NAPG: variants seen among roughly 807,000 people sequenced by gnomAD.
NAPG encodes the protein gamma-soluble NSF attachment protein.
A neutral mutation model predicts 48.4 loss-of-function variants in NAPG; 25 were observed. That is an observed-to-expected ratio of 0.52 (90% confidence interval 0.38 to 0.72). The LOEUF is 0.72. Ranked by LOEUF, NAPG falls within the 30% of genes least tolerant of loss-of-function variation. The pLI, the probability that NAPG is intolerant of heterozygous loss-of-function variation, is 0.00. For missense variants in NAPG, 359 were observed against 372.5 expected, an observed-to-expected ratio of 0.96 and a Z score of 0.30; for synonymous variants, 139 against 127.2, an observed-to-expected ratio of 1.09 and a Z score of -0.62.
chr18:10,530,391 G>A (rs1260710791), intron 1 of NAPG, among the ~76,000 whole-genome samples: 1 of 151,944 alleles, frequency 6.6e-6, no homozygotes, highest in Admixed American at 6.6e-5. Context: ...TCCCTCTGCT[G>A]TCGATACTGT....
chr18:10,536,213 A>T (rs2032029541), intron 5 of NAPG, among the ~76,000 whole-genome samples: 1 of 152,212 alleles, frequency 6.6e-6, no homozygotes. Context: ...AAAGAAAATT[A>T]ACTTAGTGGA....
Position 10,551,890 on chromosome 18 carries a change from G to A in NAPG, c.*1670G>A, listed in dbSNP as rs1354854785. On this transcript the variant is annotated 3_prime_UTR_variant, in exon 12 of 12. Transcript: ENST00000322897. Reference sequence around the variant, plus strand: ...ATTTATTGGCATAGTTCTTCAGGTAGCACCTCATTTTTATTAATGATATTG... The same window carrying A: ...ATTTATTGGCATAGTTCTTCAGGTAACACCTCATTTTTATTAATGATATTG... 1 of 152,130 alleles carries A rather than the reference G, an allele frequency of 6.6e-6. No individual in the cohort carries two copies. The highest frequency in any genetic ancestry group is 1.9e-4 in the East Asian group (1 of 5,194). The allele number at this position is 152,130 out of a possible 1,614,324, so 9.4% of individuals were successfully genotyped here.
In NAPG at chr18:10,526,237, GGC is replaced by G. The variant is rs1341225414; in HGVS notation, c.56+81_56+82del. On this transcript the variant is annotated intron_variant, in intron 1 of 11. Coordinates refer to ENST00000322897, the MANE Select transcript of NAPG (RefSeq NM_003826.3). The stretch of plus-strand genomic sequence containing the variant: ...TGGCGCGGCCTTAGCACCCGGGGGG[GGC>G]GGGAGGGAGGGCTCAGGGCTGAGGG... The G allele has an allele frequency of 5.7e-6, 5 of 878,260 alleles. No homozygotes were observed. In the African/African-American group the frequency reaches 8.3e-5, roughly 15 times the overall value. 54.4% of individuals were successfully genotyped at this position (878,260 alleles called of 1,614,324 possible). A position where few individuals can be genotyped will look rare whatever the true frequency, so the allele number is the denominator to read the frequency against.
At chr18:10,549,365 C>A (rs617040) in intron 11 of NAPG, among the ~76,000 whole-genome samples, 87,569 of 152,038 alleles carry the variant, frequency 0.58, 27,157 homozygotes, top group African/African-American at 0.82. Context: ...CTCATTTCTC[C>A]ACTTTTCCTC....
At position 10,548,161 on chromosome 18, in the gene NAPG, G is replaced by A; in HGVS notation, c.586-138G>A. ...ATTTCCCCTCAGGTGTCCCGTGGAA[G>A]TTACTATAGCATTTATAAATCTCTG... On this transcript the variant is annotated intron_variant, in intron 9 of 11. Transcript: ENST00000322897. The surrounding 1 kb of genome is among the most constrained non-coding windows in gnomAD (Gnocchi z 4.4). 1.6e-6 allele frequency: 1 copy of A among 629,952 alleles called. No homozygotes were observed. Among genetic ancestry groups the A allele is most frequent in the Admixed American group, 2.8e-5 (1 of 36,116 alleles). The allele number at this position is 629,952 out of a possible 1,614,324, so 39.0% of individuals were successfully genotyped here.
intron 1 of NAPG, among the ~76,000 whole-genome samples, chr18:10,529,830 A>G (rs568495362): frequency 1.3e-5 from 2 of 152,314 alleles, no homozygotes; most frequent in South Asian, 4.1e-4. Context: ...CTGAGTGCTC[A>G]TACAGATGCC....
chr18:10,542,227 G>GT lies in NAPG; in HGVS notation c.506+1840dup, dbSNP rs565825734. 1.9e-3 allele frequency among the ~76,000 whole-genome samples: 282 copies of GT among 144,892 alleles called. No homozygotes were observed. Among genetic ancestry groups the GT allele is most frequent in the African/African-American group, 4.3e-3 (173 of 39,892 alleles). ...TTTTATTCGTGACTTTGTTTTATTG[G>GT]TTTTTTTTTTTTCTTTTTAGGAAAA... On this transcript the variant is annotated intron_variant, in intron 8 of 11. Coordinates refer to ENST00000322897, the MANE Select transcript of NAPG (RefSeq NM_003826.3). The surrounding 1 kb of genome is among the most constrained non-coding windows in gnomAD (Gnocchi z 4.5).
rs953383816 is a variant in NAPG, at chr18:10,551,062, C to T, written c.*842C>T. On this transcript the variant is annotated 3_prime_UTR_variant, in exon 12 of 12. Coordinates refer to ENST00000322897, the MANE Select transcript of NAPG (RefSeq NM_003826.3). ...AGGCTGGAGTGCAGTGGCACAATCA[C>T]GGCTCCCAGGCTAATGTTTTTATTT... 6 of 151,272 alleles carry T rather than the reference C, an allele frequency of 4.0e-5. No individual in the cohort carries two copies. The highest frequency in any genetic ancestry group is 7.4e-5 in the Non-Finnish European group (5 of 67,870). The allele number at this position is 151,272 out of a possible 1,614,324, so 9.4% of individuals were successfully genotyped here.
At chr18:10,533,389 A>G in intron 3 of NAPG, 147 bp from the exon 4 acceptor site, 1 of 584,422 alleles carries the variant, frequency 1.7e-6, no homozygotes, top group Non-Finnish European at 2.9e-6. Context: ...CAGGTATTGA[A>G]TTACTTCTTT....
At chr18:10,532,843 G>T in intron 3 of NAPG, 48 bp downstream of exon 3, 2 of 1,448,754 alleles carry the variant, frequency 1.4e-6, no homozygotes, top group South Asian at 2.7e-5. Flanking sequence ...AGATGATTTT[G>T]ACAAGCTGTT....
Position 10,539,185 on chromosome 18 carries a change from A to AACGTATGTTTATACAGTAAAC in NAPG, c.259-564_259-544dup, listed in dbSNP as rs1274766371. 1 of 152,384 alleles carries AACGTATGTTTATACAGTAAAC rather than the reference A, an allele frequency of 6.6e-6. No homozygotes were observed. The highest frequency in any genetic ancestry group is 2.4e-5 in the African/African-American group (1 of 41,456). The allele number at this position is 152,384 out of a possible 1,614,324, so 9.4% of individuals were successfully genotyped here. ...AAAGGAACATAAATCATTCTATAGA[A>AACGTATGTTTATACAGTAAAC]ACGTATGTTTATACAGTAAACACGT... On this transcript the variant is annotated intron_variant, in intron 5 of 11. Coordinates refer to ENST00000322897, the MANE Select transcript of NAPG (RefSeq NM_003826.3). This position sits in a 1 kb window ranked among gnomAD's most constrained non-coding sequence, Gnocchi z 4.7.
At chr18:10,535,954 G>T (rs1385951517) in intron 5 of NAPG, among the ~76,000 whole-genome samples, 1 of 152,158 alleles carries the variant, frequency 6.6e-6, no homozygotes, top group African/African-American at 2.4e-5. Flanking sequence ...AGAAGCTGGG[G>T]ATCTGCTCTG....
In NAPG at chr18:10,551,252, A is replaced by C. The variant is rs76533411; in HGVS notation, c.*1032A>C. ...TCACCCAGCCTATGAATATCTTTCT[A>C]ACATTGTAAGAATGAGGTAATGTTT... On this transcript the variant is annotated 3_prime_UTR_variant, in exon 12 of 12. Transcript: ENST00000322897. The C allele has an allele frequency of 6.6e-6, 1 of 152,080 alleles. No homozygotes were observed. Among genetic ancestry groups the C allele is most frequent in the East Asian group, 1.9e-4 (1 of 5,196 alleles). 9.4% of individuals were successfully genotyped at this position (152,080 alleles called of 1,614,324 possible).
intron 2 of NAPG, 75 bp downstream of exon 2, chr18:10,530,912 C>CCTG: frequency 8.7e-7 from 1 of 1,147,324 alleles, no homozygotes; most frequent in South Asian, 1.9e-5. Flanking sequence ...CACCATAATA[C>CCTG]TTACTCATAT....
chr18:10,530,953 C>A, intron 2 of NAPG, 116 bp downstream of exon 2: 8 of 800,270 alleles, frequency 1.0e-5, no homozygotes, highest in Non-Finnish European at 8.8e-6. Flanking sequence ...AGTTAAAAAA[C>A]AAACAAAACA....
At chr18:10,536,875 C>A (rs553215236) in intron 5 of NAPG, among the ~76,000 whole-genome samples, 67 of 151,846 alleles carry the variant, frequency 4.4e-4, no homozygotes, top group African/African-American at 1.3e-3. Context: ...TTGAACTACC[C>A]AAGGGTTGGG....
In NAPG at chr18:10,534,574, AG is replaced by A; in HGVS notation, c.258+79del. On this transcript the variant is annotated intron_variant, in intron 5 of 11. Transcript: ENST00000322897. The surrounding 1 kb of genome is among the most constrained non-coding windows in gnomAD (Gnocchi z 5.0). ...GGTGTTAAACAAGAATTTTTGTTGA[AG>A]TTGAAAAGCTTCCTTACTGTAAGGC... 7.0e-7 allele frequency: 1 copy of A among 1,423,612 alleles called. No individual in the cohort carries two copies. The highest frequency in any genetic ancestry group is 1.2e-5 in the South Asian group (1 of 86,590). 88.2% of individuals were successfully genotyped at this position (1,423,612 alleles called of 1,614,324 possible). A position where few individuals can be genotyped will look rare whatever the true frequency, so the allele number is the denominator to read the frequency against.
chr18:10,547,545 T>C (rs912268183), intron 9 of NAPG, among the ~76,000 whole-genome samples: 1 of 150,626 alleles, frequency 6.6e-6, no homozygotes, highest in African/African-American at 2.5e-5. Flanking sequence ...TGTTGTTTTT[T>C]ATAGGAAAAA....
chr18:10,532,237 G>A (rs2031942338), intron 2 of NAPG, among the ~76,000 whole-genome samples: 1 of 152,126 alleles, frequency 6.6e-6, no homozygotes, highest in South Asian at 2.1e-4. Flanking sequence ...TGCATTGTTA[G>A]ACATTTAAAG....
Sources: allele counts gnomAD v4.1 joint callset (sites outside exome capture counted in the v4.1 genomes callset), GRCh38; gene constraint gnomAD v4.1.1; non-coding constraint Gnocchi (gnomAD v3.1); transcripts MANE v1.5; gene names NCBI Gene and HGNC (gene_info 2026-07-23, HGNC 2026-07-21).